Variants in MIER1 observed in about 807,000 individuals in gnomAD.
MIER1 encodes mesoderm induction early response protein 1.
In MIER1, 40 loss-of-function variants were observed where a neutral mutation model predicts 75.7. That is an observed-to-expected ratio of 0.53 (90% CI 0.41 to 0.69). MIER1 has a LOEUF of 0.69. Ranked by LOEUF, MIER1 falls within the 30% of genes least tolerant of loss-of-function variation. The probability of loss-of-function intolerance (pLI) is 0.00; values close to 1 mark genes in which losing one functional copy is unlikely to be tolerated. For missense variants in MIER1, 574 were observed against 680.2 expected (o/e 0.84, Z 1.74); for synonymous variants, 213 against 223.4 (o/e 0.95, Z 0.42).
intron 2 of MIER1, chr1:66,929,069 G>A (rs1652484882): frequency 2.7e-6 from 2 of 746,058 alleles, no homozygotes. Context: ...TTGAATCTTT[G>A]GAAATAGGAA....
rs748884683 is a variant in MIER1, at chr1:66,959,667, T to C, written c.635-12T>C. 4.7e-6 allele frequency: 6 copies of C among 1,263,310 alleles called. No individual in the cohort carries two copies. In the African/African-American group the frequency reaches 7.9e-5, roughly 17 times the overall value. The allele number at this position is 1,263,310 out of a possible 1,614,324, so 78.3% of individuals were successfully genotyped here. ...CAGTCATTTTATAGTATTGGTGTCTTATTTATTCTAGATAGTGAAGTAGAA... is the reference window on the plus strand; with the variant it reads ...CAGTCATTTTATAGTATTGGTGTCTCATTTATTCTAGATAGTGAAGTAGAA... On this transcript the variant is annotated splice_polypyrimidine_tract_variant and intron_variant, in intron 6 of 13. Coordinates refer to ENST00000401041, the MANE Select transcript of MIER1 (RefSeq NM_001077700.3).
rs944253852 is a variant in MIER1, at chr1:66,964,498, G to T, written c.772+1338G>T. On this transcript the variant is annotated intron_variant, in intron 8 of 13. Transcript: ENST00000401041. ...ATAGAGTTTTGCTCTTGTTGCCCAG[G>T]CTGGAGTGCAATGGCTCAATCTCGG... is the stretch of plus-strand genomic sequence containing the variant. 2.8e-5 allele frequency among the ~76,000 whole-genome samples: 4 copies of T among 144,000 alleles called. No individual in the cohort carries two copies. In the South Asian group the frequency reaches 8.8e-4, roughly 32 times the overall value. The allele number at this position is 144,000 out of a possible 152,430, so 94.5% of individuals were successfully genotyped here.
chr1:66,965,654 G>A (rs1273409074), intron 8 of MIER1, among the ~76,000 whole-genome samples: 2 of 152,092 alleles, frequency 1.3e-5, no homozygotes, highest in African/African-American at 2.4e-5. Flanking sequence ...ATTATCTTTT[G>A]TGTTACAAAC....
chr1:66,930,380 A>T (rs1296232697), intron 2 of MIER1: 1 of 1,608,062 alleles, frequency 6.2e-7, no homozygotes, highest in South Asian at 1.1e-5. Context: ...GTGACCCGGC[A>T]GTACGGCAAA....
Position 66,985,929 on chromosome 1 carries a change from A to G in MIER1, c.*1029A>G, listed in dbSNP as rs1666725435. ...TGTTTTGCATTTGCTATAATTTTCAAAATTATTTTTGAAGCAAGACAAAAG... is the reference window on the plus strand; with the variant it reads ...TGTTTTGCATTTGCTATAATTTTCAGAATTATTTTTGAAGCAAGACAAAAG... On this transcript the variant is annotated 3_prime_UTR_variant, in exon 14 of 14. Transcript: ENST00000401041. 8 of 984,156 alleles carry G rather than the reference A, an allele frequency of 8.1e-6. No individual in the cohort carries two copies. Among genetic ancestry groups the G allele is most frequent in the Non-Finnish European group, 9.6e-6 (8 of 829,052 alleles). The allele number at this position is 984,156 out of a possible 1,614,324, so 61.0% of individuals were successfully genotyped here.
At chr1:66,960,796 T>C (rs1255630266) in intron 7 of MIER1, among the ~76,000 whole-genome samples, 1 of 152,228 alleles carries the variant, frequency 6.6e-6, no homozygotes, top group Non-Finnish European at 1.5e-5. Context: ...AGTTAATTTG[T>C]GTGGCCTATT....
Position 66,985,122 on chromosome 1 carries a change from A to T in MIER1, c.*222A>T. 8.4e-7 allele frequency: 1 copy of T among 1,190,258 alleles called. No homozygotes were observed. The allele number at this position is 1,190,258 out of a possible 1,614,324, so 73.7% of individuals were successfully genotyped here. A position where few individuals can be genotyped will look rare whatever the true frequency, so the allele number is the denominator to read the frequency against. On this transcript the variant is annotated 3_prime_UTR_variant, in exon 14 of 14. Transcript: ENST00000401041. ...GGTATTTTAAAAATTAGTAAATTTG[A>T]ATGAACTAAAGATATATCTCTACCT... is the stretch of plus-strand genomic sequence containing the variant.
intron 8 of MIER1, among the ~76,000 whole-genome samples, chr1:66,965,001 G>T (rs1662089351): frequency 6.6e-6 from 1 of 152,086 alleles, no homozygotes; most frequent in Non-Finnish European, 1.5e-5. Flanking sequence ...AACATCACAG[G>T]CCAGTACGGT....
At chr1:66,983,767 G>A (rs1043326855) in intron 13 of MIER1, among the ~76,000 whole-genome samples, 17 of 152,138 alleles carry the variant, frequency 1.1e-4, no homozygotes, top group South Asian at 8.3e-4. Context: ...TCGCTTTGTC[G>A]CCCAGGCTGG....
rs1395769225 is a variant in MIER1, at chr1:66,984,661, A to C, written c.1459A>C (p.Lys487Gln). Residue 487 changes from lysine to glutamine, a missense_variant, in exon 14 of 14, where the codon AAG becomes CAG. Lys to Gln is a moderately conservative substitution (Grantham distance 53, BLOSUM62 1). Around this residue, in one of 3 missense-constraint regions of MIER1, gnomAD observed 164 missense variants for 154.3 expected, o/e 1.06. Transcript: ENST00000401041. ...CATTAATGGACCAACAGGTGGAAAT[A>C]AGAAACCACTTCATGCAGATATGGA... ...LHINGPTGGN[K>Q]KPLHADMDTN... 1 of 1,614,002 alleles carries C rather than the reference A, an allele frequency of 6.2e-7. No homozygotes were observed. The highest frequency in any genetic ancestry group is 1.7e-5 in the Admixed American group (1 of 60,022).
rs1420153813 is a variant in MIER1 at position 66,986,633 on chromosome 1, A to G, written c.*1733A>G. ...CCAATGTGAACAACTTTTTTTCCCA[A>G]ACAGTGTTAAAAGCCACTTTGCAAC... On this transcript the variant is annotated 3_prime_UTR_variant, in exon 14 of 14. Coordinates refer to ENST00000401041, the MANE Select transcript of MIER1 (RefSeq NM_001077700.3). 1.7e-6 allele frequency: 1 copy of G among 597,718 alleles called. No homozygotes were observed. The highest frequency in any genetic ancestry group is 2.9e-6 in the Non-Finnish European group (1 of 340,104). The allele number at this position is 597,718 out of a possible 1,614,324, so 37.0% of individuals were successfully genotyped here.
At chr1:66,930,532 A>G in intron 2 of MIER1, 1 of 961,926 alleles carries the variant, frequency 1.0e-6, no homozygotes. Flanking sequence ...TGTCCGGAAC[A>G]GGCCATTCTC....
At chr1:66,946,939 G>A (rs1657790342) in intron 4 of MIER1, 22 of 985,038 alleles carry the variant, frequency 2.2e-5, no homozygotes, top group South Asian at 4.7e-5. Flanking sequence ...CTCTTCTTCC[G>A]TTACTCAAGG....
intron 3 of MIER1, among the ~76,000 whole-genome samples, chr1:66,945,318 AAATAC>A (rs1657348866): frequency 7.4e-6 from 1 of 134,776 alleles, no homozygotes; most frequent in Non-Finnish European, 1.7e-5. Context: ...TATATATATA[AAATAC>A]CTAATATAGG....
intron 2 of MIER1, chr1:66,930,223 G>T (rs926837237): frequency 2.3e-5 from 33 of 1,422,990 alleles, no homozygotes; most frequent in Non-Finnish European, 7.3e-6. Flanking sequence ...GGCGGAGTGG[G>T]GTGTGGTGGG....
chr1:66,925,239 G>T (rs537543723), intron 1 of MIER1, 144 bp downstream of exon 1: 2 of 1,355,804 alleles, frequency 1.5e-6, no homozygotes, highest in African/African-American at 1.5e-5. Context: ...TCCGGGGAGG[G>T]GCTGCCGCAG....
At position 66,986,535 on chromosome 1, in the gene MIER1, C is replaced by T; in HGVS notation, c.*1635C>T. The stretch of plus-strand genomic sequence containing the variant: ...TGATGTAATTGAGTGAAGGTTTGCA[C>T]TGAGAAATTAGCATTCAGGCCTTAC... On this transcript the variant is annotated 3_prime_UTR_variant, in exon 14 of 14. Coordinates refer to ENST00000401041, the MANE Select transcript of MIER1 (RefSeq NM_001077700.3). The T allele has an allele frequency of 7.9e-7, 1 of 1,270,174 alleles. No individual in the cohort carries two copies. Among genetic ancestry groups the T allele is most frequent in the Non-Finnish European group, 1.1e-6 (1 of 873,606 alleles). The allele number at this position is 1,270,174 out of a possible 1,614,324, so 78.7% of individuals were successfully genotyped here.
At chr1:66,928,718 C>A (rs1387961477) in intron 2 of MIER1, among the ~76,000 whole-genome samples, 1 of 152,118 alleles carries the variant, frequency 6.6e-6, no homozygotes, top group Non-Finnish European at 1.5e-5. Flanking sequence ...AAACTATATA[C>A]CTCTGCTAAA....
At chr1:66,946,937 C>G (rs1239844523) in intron 4 of MIER1, 6 of 982,700 alleles carry the variant, frequency 6.1e-6, no homozygotes, top group African/African-American at 1.8e-5. Flanking sequence ...GACTCTTCTT[C>G]CGTTACTCAA....
Sources: gnomAD v4.1 joint callset for allele counts (sites outside exome capture counted in the v4.1 genomes callset) on GRCh38, gnomAD v4.1.1 for gene constraint, gnomAD v4.1.1 regional missense constraint, MANE v1.5 for transcripts, NCBI Gene and HGNC (gene_info 2026-07-23, HGNC 2026-07-21) for gene names.